Variants in STIM1 observed in about 807,000 individuals in gnomAD.
STIM1 encodes stromal interaction molecule 1.
A neutral mutation model predicts 74.7 loss-of-function variants in STIM1; 25 were observed. The observed-to-expected ratio is 0.33, with a 90% CI of 0.24 to 0.47. The LOEUF is 0.47. Ranked by LOEUF, STIM1 falls within the 20% of genes least tolerant of loss-of-function variation. The pLI, the probability that STIM1 is intolerant of heterozygous loss-of-function variation, is 1.00. For missense variants in STIM1, 728 were observed against 920.8 expected, an observed-to-expected ratio of 0.79 and a Z score of 2.71; for synonymous variants, 328 against 348.8, an observed-to-expected ratio of 0.94 and a Z score of 0.66.
intron 2 of STIM1, chr11:3,973,281 C>T (rs770155339): frequency 2.2e-4 from 104 of 480,494 alleles, no homozygotes; most frequent in African/African-American, 6.7e-4. Flanking sequence ...ACCACCTCCA[C>T]GACCATCACC....
At chr11:4,034,359 CA>C (rs1411856362) in intron 3 of STIM1, among the ~76,000 whole-genome samples, 1 of 151,994 alleles carries the variant, frequency 6.6e-6, no homozygotes, top group East Asian at 1.9e-4. Context: ...TGGATTTTAT[CA>C]AAGGAGTTTT....
intron 3 of STIM1, among the ~76,000 whole-genome samples, chr11:4,030,835 A>G (rs1200896129): frequency 6.6e-6 from 1 of 152,246 alleles, no homozygotes; most frequent in Non-Finnish European, 1.5e-5. Context: ...TACCTGTTTA[A>G]TATATCTTAT....
At chr11:4,043,415 TC>T (rs1348047675) in intron 3 of STIM1, among the ~76,000 whole-genome samples, 3 of 152,032 alleles carry the variant, frequency 2.0e-5, no homozygotes, top group African/African-American at 7.3e-5. Context: ...TTTTTATACC[TC>T]CCCCCTTTAC....
At chr11:3,892,839 A>G in intron 1 of STIM1, 1 of 1,611,042 alleles carries the variant, frequency 6.2e-7, no homozygotes, top group South Asian at 1.1e-5. Flanking sequence ...ACATGGCCCA[A>G]GGGCTCGCTG....
intron 2 of STIM1, among the ~76,000 whole-genome samples, chr11:3,984,099 C>T (rs888664818): frequency 6.6e-6 from 1 of 152,108 alleles, no homozygotes; most frequent in African/African-American, 2.4e-5. Context: ...CTCCTGACCT[C>T]AAGTGATCCG....
At chr11:4,082,139 A>T in intron 7 of STIM1, 45 bp from the exon 8 acceptor site, 1 of 1,600,372 alleles carries the variant, frequency 6.2e-7, no homozygotes, top group Admixed American at 1.7e-5. Flanking sequence ...GATGTTGGAG[A>T]GTCTTAGTAG....
chr11:3,921,081 C>T (rs1201976143), intron 1 of STIM1, among the ~76,000 whole-genome samples: 1 of 152,148 alleles, frequency 6.6e-6, no homozygotes, highest in Non-Finnish European at 1.5e-5. Context: ...CAGACGTGAG[C>T]CACTGCACCC....
At chr11:3,864,378 A>G (rs2090763451) in intron 1 of STIM1, among the ~76,000 whole-genome samples, 1 of 152,210 alleles carries the variant, frequency 6.6e-6, no homozygotes, top group Non-Finnish European at 1.5e-5. Flanking sequence ...CCTCTGGCTC[A>G]GAGTCTCTCA....
intron 1 of STIM1, among the ~76,000 whole-genome samples, chr11:3,920,862 C>T (rs1411975826): frequency 6.7e-6 from 1 of 150,348 alleles, no homozygotes; most frequent in African/African-American, 2.5e-5. Context: ...ATGGTGCAGT[C>T]TTGGCTCACT....
In STIM1 at chr11:3,979,092, T is replaced by C. The variant is rs573760632; in HGVS notation, c.270+11410T>C. Among the ~76,000 whole-genome samples, 6 of 152,258 alleles carry C rather than the reference T, an allele frequency of 3.9e-5. No individual in the cohort carries two copies. The East Asian group carries it at 1.2e-3, about 29-fold the overall frequency. ...AACTTGGACTTTATAGGTAGTAGTA[T>C]ATAGGGAGAGAGTAGGAAGCCCAGT... On this transcript the variant is annotated intron_variant, in intron 2 of 12. Transcript: ENST00000526596.
chr11:4,059,429 G>C (rs201538533), intron 5 of STIM1, 33 bp downstream of exon 5: 20 of 1,595,438 alleles, frequency 1.3e-5, no homozygotes, highest in Non-Finnish European at 1.7e-5. Flanking sequence ...CTACTGCTGT[G>C]CCATGGAAAC....
intron 1 of STIM1, among the ~76,000 whole-genome samples, chr11:3,896,866 T>A (rs1006522886): frequency 1.3e-5 from 2 of 152,212 alleles, no homozygotes; most frequent in African/African-American, 2.4e-5. Context: ...TGCTTCCTCA[T>A]CTATAACATG....
intron 3 of STIM1, among the ~76,000 whole-genome samples, chr11:4,037,497 T>C (rs1444571848): frequency 6.6e-6 from 1 of 152,182 alleles, no homozygotes. Context: ...GATTATTTCT[T>C]AGTGATTAAC....
At position 4,073,670 on chromosome 11, in the gene STIM1, A is replaced by C. The variant is rs2094419869; in HGVS notation, c.792-832A>C. ...TGGAGGAAAGAAGTGAAGAAGCGGG[A>C]AGGCTTGTTTAGCTGGATGGAAGGT... On this transcript the variant is annotated intron_variant, in intron 6 of 12. Transcript: ENST00000526596. Among the ~76,000 whole-genome samples, 3 of 152,206 alleles carry C rather than the reference A, an allele frequency of 2.0e-5. No homozygotes were observed. In the South Asian group the frequency reaches 6.2e-4, roughly 31 times the overall value.
intron 5 of STIM1, among the ~76,000 whole-genome samples, chr11:4,063,465 A>C (rs568547265): frequency 3.9e-5 from 6 of 152,200 alleles, no homozygotes; most frequent in Non-Finnish European, 8.8e-5. Flanking sequence ...CGGAATTTTT[A>C]AGCAATAAGT....
At chr11:3,985,114 G>T (rs1474055949) in intron 2 of STIM1, among the ~76,000 whole-genome samples, 1 of 152,100 alleles carries the variant, frequency 6.6e-6, no homozygotes, top group Non-Finnish European at 1.5e-5. Flanking sequence ...CCCCCAGATG[G>T]TACCCCTCAT....
intron 3 of STIM1, among the ~76,000 whole-genome samples, chr11:4,050,299 T>C (rs1227591504): frequency 6.6e-6 from 1 of 152,164 alleles, no homozygotes; most frequent in Non-Finnish European, 1.5e-5. Flanking sequence ...AGTGGTTCTG[T>C]TCATACAAAT....
intron 5 of STIM1, among the ~76,000 whole-genome samples, chr11:4,061,142 A>C (rs1046793630): frequency 5.3e-5 from 8 of 152,222 alleles, no homozygotes; most frequent in Non-Finnish European, 1.0e-4. Flanking sequence ...CAGATTTATC[A>C]TGTCTGAAAG....
chr11:4,003,370 C>G, intron 2 of STIM1, among the ~76,000 whole-genome samples: 1 of 151,464 alleles, frequency 6.6e-6, no homozygotes, highest in East Asian at 1.9e-4. Flanking sequence ...TCCAGCAGCA[C>G]ATCAAAAAGC....
Sources: gnomAD v4.1 joint callset for allele counts (sites outside exome capture counted in the v4.1 genomes callset) on GRCh38, gnomAD v4.1.1 for gene constraint, MANE v1.5 for transcripts, NCBI Gene and HGNC (gene_info 2026-07-23, HGNC 2026-07-21) for gene names.